Variants in NAALADL2 observed in about 807,000 individuals in gnomAD.
The protein encoded by NAALADL2 is inactive N-acetylated-alpha-linked acidic dipeptidase-like protein 2.
In NAALADL2, 76 loss-of-function variants were observed where a neutral mutation model predicts 87.2. That is an observed-to-expected ratio of 0.87 (90% CI 0.72 to 1.05). The LOEUF is 1.05. NAALADL2 is among the 50% of genes least tolerant of loss of function. NAALADL2 has a pLI of 0.00. For synonymous variants in NAALADL2, 354 were observed against 331.0 expected (o/e 1.07, Z -0.75); for missense variants, 1,089 against 945.8 (o/e 1.15, Z -1.99).
chr3:175,655,997 A>G (rs1017071012), intron 11 of NAALADL2, among the ~76,000 whole-genome samples: 1 of 152,214 alleles, frequency 6.6e-6, no homozygotes, highest in African/African-American at 2.4e-5. Flanking sequence ...AATTTTCCAT[A>G]TAAGGTGGCT....
intron 10 of NAALADL2, among the ~76,000 whole-genome samples, chr3:175,585,627 A>T (rs1034379804): frequency 2.6e-5 from 4 of 152,306 alleles, no homozygotes; most frequent in Middle Eastern, 3.4e-3. Flanking sequence ...TATGCATCCA[A>T]AAGTTTACAT....
chr3:174,468,337 T>C (rs773557973), intron 1 of NAALADL2, among the ~76,000 whole-genome samples: 1 of 152,068 alleles, frequency 6.6e-6, no homozygotes. Flanking sequence ...ATTCCGTTGC[T>C]AAGTAGTGTT....
chr3:174,755,074 G>A (rs957019515), intron 3 of NAALADL2, among the ~76,000 whole-genome samples: 1 of 152,304 alleles, frequency 6.6e-6, no homozygotes, highest in African/African-American at 2.4e-5. Context: ...CCCGGTGGAG[G>A]TGATTGGATC....
chr3:175,430,748 A>G (rs1026951838), intron 5 of NAALADL2, among the ~76,000 whole-genome samples: 19 of 152,184 alleles, frequency 1.2e-4, no homozygotes, highest in African/African-American at 4.6e-4. Context: ...CTCACACTAT[A>G]TCTAAAAAGT....
chr3:175,555,674 A>AAT (rs528244322), intron 9 of NAALADL2, among the ~76,000 whole-genome samples: 1 of 152,254 alleles, frequency 6.6e-6, no homozygotes, highest in African/African-American at 2.4e-5. Context: ...AAAATATGAA[A>AAT]ATATATATAT....
chr3:174,489,181 A>G (rs931592209), intron 1 of NAALADL2, among the ~76,000 whole-genome samples: 5 of 152,048 alleles, frequency 3.3e-5, no homozygotes, highest in African/African-American at 1.2e-4. Flanking sequence ...TATATTATTA[A>G]ACTCAGATTT....
At chr3:175,291,045 G>C (rs1418203718) in intron 4 of NAALADL2, among the ~76,000 whole-genome samples, 3 of 152,062 alleles carry the variant, frequency 2.0e-5, no homozygotes, top group African/African-American at 7.2e-5. Flanking sequence ...GTATGTAAAA[G>C]CATTGTAATT....
Position 174,602,269 on chromosome 3 carries a change from C to G in NAALADL2, c.-115+51632C>G, listed in dbSNP as rs143898537. 5.3e-5 allele frequency among the ~76,000 whole-genome samples: 8 copies of G among 152,112 alleles called. No individual in the cohort carries two copies. In the East Asian group the frequency reaches 1.5e-3, roughly 29 times the overall value. On this transcript the variant is annotated intron_variant, in intron 2 of 3. Transcript: ENST00000434257. ...CAATCCATGAACATGGAATATCTTC[C>G]GGTGTTTTTGTGTCCTCTTCAATTT...
chr3:175,793,473 C>T (rs1281539721), intron 13 of NAALADL2, among the ~76,000 whole-genome samples: 1 of 150,712 alleles, frequency 6.6e-6, no homozygotes, highest in African/African-American at 2.4e-5. Context: ...CCGCGCCCGG[C>T]TAATTTTTTT....
intron 1 of NAALADL2, among the ~76,000 whole-genome samples, chr3:174,962,109 T>C (rs1465048151): frequency 1.3e-5 from 2 of 151,814 alleles, no homozygotes; most frequent in African/African-American, 2.4e-5. Context: ...AGCCATGTCA[T>C]GAGTAGCCCT....
intron 2 of NAALADL2, among the ~76,000 whole-genome samples, chr3:175,165,338 A>C (rs536801853): frequency 6.6e-6 from 1 of 152,120 alleles, no homozygotes; most frequent in Non-Finnish European, 1.5e-5. Context: ...CCTGGCCCCA[A>C]ATGAATTCTT....
At chr3:174,751,595 T>A (rs1431245502) in intron 3 of NAALADL2, among the ~76,000 whole-genome samples, 2 of 146,338 alleles carry the variant, frequency 1.4e-5, no homozygotes, top group African/African-American at 5.1e-5. Flanking sequence ...CCCGGGAGAC[T>A]GAGGTTGCAG....
chr3:175,064,350 C>G (rs1714147895), intron 1 of NAALADL2, among the ~76,000 whole-genome samples: 1 of 151,110 alleles, frequency 6.6e-6, no homozygotes. Flanking sequence ...CTCTAAGTTC[C>G]AAGTCCAGGA....
rs10575227 is a variant in NAALADL2, at chr3:174,544,567, C to CTTTTTTTTTTTTTTTT, written c.-183-5999_-183-5984dup. ...TCTTTGTTTCCTTTTTTTTTGTTTT[C>CTTTTTTTTTTTTTTTT]TTTTTTTTTTTTTTTTTTGAGACAG... On this transcript the variant is annotated intron_variant, in intron 1 of 3. Transcript: ENST00000434257. 8.9e-4 allele frequency among the ~76,000 whole-genome samples: 103 copies of CTTTTTTTTTTTTTTTT among 115,092 alleles called. 1 individual carries two copies. Among genetic ancestry groups the CTTTTTTTTTTTTTTTT allele is most frequent in the Non-Finnish European group, 1.3e-3 (75 of 57,256 alleles). 75.5% of individuals were successfully genotyped at this position (115,092 alleles called of 152,430 possible).
Position 175,792,806 on chromosome 3 carries a change from T to TCA in NAALADL2, c.2190-10198_2190-10197dup, listed in dbSNP as rs569332933. On this transcript the variant is annotated intron_variant, in intron 13 of 13. Transcript: ENST00000454872. ...CACGTCATCAAGGAATAAGTTTCTT[T>TCA]CAGTCTCTCAGCTCTGCCTTCCGTA... 1.4e-4 allele frequency among the ~76,000 whole-genome samples: 22 copies of TCA among 152,332 alleles called. No individual in the cohort carries two copies. In the East Asian group the frequency reaches 3.7e-3, roughly 25 times the overall value.
At chr3:175,592,080 T>C (rs1721567449) in intron 10 of NAALADL2, among the ~76,000 whole-genome samples, 1 of 151,940 alleles carries the variant, frequency 6.6e-6, no homozygotes, top group Non-Finnish European at 1.5e-5. Context: ...TCTTTCATAG[T>C]AATGTTCAGG....
intron 1 of NAALADL2, among the ~76,000 whole-genome samples, chr3:175,092,046 A>C (rs1452903834): frequency 6.6e-6 from 1 of 151,946 alleles, no homozygotes; most frequent in Non-Finnish European, 1.5e-5. Context: ...AAAATAGTGA[A>C]TGACTGCAAT....
chr3:174,722,053 A>G (rs976771264), intron 2 of NAALADL2, among the ~76,000 whole-genome samples: 1 of 152,164 alleles, frequency 6.6e-6, no homozygotes, highest in Non-Finnish European at 1.5e-5. Flanking sequence ...AAAGAAGCCT[A>G]TGGTGGACTG....
At chr3:175,784,878 T>A (rs13073836) in intron 13 of NAALADL2, among the ~76,000 whole-genome samples, 1 of 66,160 alleles carries the variant, frequency 1.5e-5, no homozygotes, top group Non-Finnish European at 2.6e-5. Context: ...GCTTTGAATG[T>A]GTCCCAGAGA....
Sources: gnomAD v4.1 joint callset for allele counts (sites outside exome capture counted in the v4.1 genomes callset) on GRCh38, gnomAD v4.1.1 for gene constraint, MANE v1.5 for transcripts, NCBI Gene and HGNC (gene_info 2026-07-23, HGNC 2026-07-21) for gene names.